The following GALNT13 variants were observed in gnomAD, a reference collection of about 807,000 sequenced individuals.
GALNT13 encodes UDP-GalNAc:polypeptide N-acetylgalactosaminyltransferase 13.
A neutral mutation model predicts 64.2 loss-of-function variants in GALNT13; 28 were observed. The observed-to-expected ratio is 0.44, with a 90% CI of 0.32 to 0.60. The LOEUF (loss-of-function observed/expected upper bound fraction) is 0.60. GALNT13 is among the 20% of genes least tolerant of loss of function. GALNT13 has a pLI of 0.05. For missense variants in GALNT13, 577 were observed against 669.8 expected (o/e 0.86, Z 1.53); for synonymous variants, 214 against 224.6 (o/e 0.95, Z 0.42).
the GALNT13 span, among the ~76,000 whole-genome samples, chr2:153,538,135 C>T: frequency 6.6e-6 from 1 of 151,930 alleles, no homozygotes; most frequent in Non-Finnish European, 1.5e-5. Context: ...ACAATGAAGT[C>T]CAGGCTGAGG....
intron 1 of GALNT13, among the ~76,000 whole-genome samples, chr2:153,882,175 G>A (rs914765877): frequency 1.3e-5 from 2 of 150,066 alleles, no homozygotes; most frequent in Admixed American, 6.7e-5. Context: ...TGCCTAGAAT[G>A]TAGGGGGGGG....
At chr2:154,141,410 TA>T (rs1438230068) in intron 4 of GALNT13, among the ~76,000 whole-genome samples, 1 of 152,198 alleles carries the variant, frequency 6.6e-6, no homozygotes, top group African/African-American at 2.4e-5. Flanking sequence ...TATACAGCTG[TA>T]AAAAATATTT....
intron 9 of GALNT13, among the ~76,000 whole-genome samples, chr2:154,334,461 A>G (rs1695332934): frequency 6.6e-6 from 1 of 152,114 alleles, no homozygotes; most frequent in Non-Finnish European, 1.5e-5. Flanking sequence ...TAAGCTGTAA[A>G]TATGATGGAG....
At chr2:153,314,577 A>G in the GALNT13 span, among the ~76,000 whole-genome samples, 1 of 152,172 alleles carries the variant, frequency 6.6e-6, no homozygotes, top group African/African-American at 2.4e-5. Flanking sequence ...CTGAAATAAT[A>G]CAGAGTATAT....
chr2:153,413,717 A>G, the GALNT13 span, among the ~76,000 whole-genome samples: 1 of 152,200 alleles, frequency 6.6e-6, no homozygotes, highest in East Asian at 1.9e-4. Context: ...TTGTCTTTAA[A>G]GACAAGTACA....
the GALNT13 span, among the ~76,000 whole-genome samples, chr2:153,855,809 A>G: frequency 7.2e-5 from 11 of 152,308 alleles, no homozygotes; most frequent in South Asian, 2.1e-4. Context: ...CATTTTTCAT[A>G]ATAACAAAAA....
chr2:153,090,981 C>T, the GALNT13 span, among the ~76,000 whole-genome samples: 1 of 152,094 alleles, frequency 6.6e-6, no homozygotes, highest in Non-Finnish European at 1.5e-5. Context: ...TGTTGAGAAC[C>T]TGCCTGAGGC....
the GALNT13 span, among the ~76,000 whole-genome samples, chr2:153,684,113 A>G: frequency 1.3e-5 from 2 of 151,424 alleles, no homozygotes; most frequent in African/African-American, 2.4e-5. Context: ...GGAATAGTCA[A>G]TGTATTTATT....
intron 3 of GALNT13, among the ~76,000 whole-genome samples, chr2:154,121,312 C>A (rs1387122013): frequency 1.3e-5 from 2 of 152,100 alleles, no homozygotes; most frequent in African/African-American, 4.8e-5. Context: ...TGCTATCTTG[C>A]TGATGCCACT....
intron 4 of GALNT13, among the ~76,000 whole-genome samples, chr2:154,180,186 C>A (rs1204812579): frequency 6.6e-6 from 1 of 152,116 alleles, no homozygotes; most frequent in African/African-American, 2.4e-5. Flanking sequence ...CTTCTCTAAT[C>A]ATTTCAGTTT....
the GALNT13 span, among the ~76,000 whole-genome samples, chr2:153,848,920 C>A: frequency 6.6e-6 from 1 of 151,078 alleles, no homozygotes; most frequent in African/African-American, 2.4e-5. Flanking sequence ...AAAACTCTTC[C>A]AGAGAATAGA....
At chr2:153,483,410 CTTTTTTTTTTT>C in the GALNT13 span, among the ~76,000 whole-genome samples, 2 of 71,776 alleles carry the variant, frequency 2.8e-5, no homozygotes, top group East Asian at 3.4e-4. Context: ...GAATAAAATT[CTTTTTTTTTTT>C]TTTTTTTTTT....
chr2:153,620,974 T>G, the GALNT13 span, among the ~76,000 whole-genome samples: 3 of 152,088 alleles, frequency 2.0e-5, no homozygotes, highest in Non-Finnish European at 4.4e-5. Flanking sequence ...TAGGGGACAC[T>G]CCAAGCCCAG....
chr2:153,694,133 C>A, the GALNT13 span, among the ~76,000 whole-genome samples: 82 of 151,940 alleles, frequency 5.4e-4, no homozygotes, highest in Non-Finnish European at 9.9e-4. Context: ...AAAAAGCAAT[C>A]GTGAAATTAC....
chr2:154,046,872 C>T (rs958805654), intron 3 of GALNT13, among the ~76,000 whole-genome samples: 3 of 152,046 alleles, frequency 2.0e-5, no homozygotes, highest in African/African-American at 7.2e-5. Flanking sequence ...ACACCTGGAT[C>T]TTGACCTTCT....
the GALNT13 span, among the ~76,000 whole-genome samples, chr2:153,860,574 G>T: frequency 2.0e-5 from 3 of 151,878 alleles, no homozygotes; most frequent in African/African-American, 4.8e-5. Context: ...CATATGCAAA[G>T]CTTATGGAAG....
chr2:153,379,853 A>G, the GALNT13 span, among the ~76,000 whole-genome samples: 1 of 152,186 alleles, frequency 6.6e-6, no homozygotes, highest in East Asian at 1.9e-4. Context: ...TACAGTTTTT[A>G]TATGCAAATA....
chr2:153,975,456 C>T (rs1321653012), intron 3 of GALNT13, among the ~76,000 whole-genome samples: 1 of 152,068 alleles, frequency 6.6e-6, no homozygotes, highest in Admixed American at 6.6e-5. Flanking sequence ...TTTCTCTGCA[C>T]TCAGGCCTTC....
At chr2:154,200,920 A>T (rs1335973610) in intron 4 of GALNT13, among the ~76,000 whole-genome samples, 1 of 152,166 alleles carries the variant, frequency 6.6e-6, no homozygotes, top group Non-Finnish European at 1.5e-5. Flanking sequence ...ACTAGCCTAG[A>T]AAATGTATAT....
Sources: allele counts gnomAD v4.1 joint callset (sites outside exome capture counted in the v4.1 genomes callset), GRCh38; gene constraint gnomAD v4.1.1; transcripts MANE v1.5; gene names NCBI Gene and HGNC (gene_info 2026-07-23, HGNC 2026-07-21).